MBD5: variants seen among roughly 807,000 people sequenced by gnomAD.
MBD5 encodes the protein methyl-CpG-binding domain protein 5.
A neutral mutation model predicts 117.3 loss-of-function variants in MBD5; 13 were observed. That is an observed-to-expected ratio of 0.11 (90% CI 0.07 to 0.18). The LOEUF is 0.18. Ranked by LOEUF, MBD5 falls within the 10% of genes least tolerant of loss-of-function variation. The pLI is 1.00. For missense variants in MBD5, 1,879 were observed against 2,093.8 expected (o/e 0.90, Z 2.00); for synonymous variants, 727 against 766.4 (o/e 0.95, Z 0.85).
At chr2:148,161,226 AGTC>A (rs1386223498) in intron 1 of MBD5, among the ~76,000 whole-genome samples, 1 of 152,212 alleles carries the variant, frequency 6.6e-6, no homozygotes, top group Non-Finnish European at 1.5e-5. Context: ...TTAACCATCC[AGTC>A]TGTTTTAGCC....
At position 148,061,430 on chromosome 2, in the gene MBD5, CT is replaced by C. The variant is rs1253107223; in HGVS notation, c.-925+39747del. Among the ~76,000 whole-genome samples, 4 of 151,966 alleles carry C rather than the reference CT, an allele frequency of 2.6e-5. No individual in the cohort carries two copies. The East Asian group carries it at 7.7e-4, about 29-fold the overall frequency. Reference sequence around the variant, plus strand: ...CTCTACCCTTCCCCCAACTCTTTCCCTCTACATAATTGACATCATATTGTGC... The same window carrying C: ...CTCTACCCTTCCCCCAACTCTTTCCCCTACATAATTGACATCATATTGTGC... On this transcript the variant is annotated intron_variant, in intron 1 of 13. Transcript: ENST00000642680.
chr2:148,416,502 G>A (rs767487473), intron 4 of MBD5, among the ~76,000 whole-genome samples: 1 of 152,214 alleles, frequency 6.6e-6, no homozygotes, highest in Non-Finnish European at 1.5e-5. Context: ...AGGCACTGGT[G>A]GGGGTGGGGT....
At chr2:148,134,555 C>T (rs557957210) in intron 1 of MBD5, among the ~76,000 whole-genome samples, 51 of 152,244 alleles carry the variant, frequency 3.3e-4, no homozygotes, top group Admixed American at 4.6e-4. Context: ...TACAAGTATG[C>T]TTTATTCTCT....
intron 4 of MBD5, among the ~76,000 whole-genome samples, chr2:148,424,204 A>AAAC (rs1559065361): frequency 1.5e-5 from 2 of 131,602 alleles, no homozygotes; most frequent in African/African-American, 5.9e-5. Context: ...AAAAAAAAAA[A>AAAC]AAAAAAAAAA....
rs553917791 is a variant in MBD5 at position 148,049,269 on chromosome 2, C to T, written c.-925+27585C>T. The stretch of plus-strand genomic sequence containing the variant: ...TAGAAATCTTGTGGCAAGTGGATTT[C>T]GTGCACCATCCATTCTTCACTTTGC... On this transcript the variant is annotated intron_variant, in intron 1 of 13. Coordinates refer to ENST00000642680, the MANE Select transcript of MBD5 (RefSeq NM_001378120.1). 8.5e-5 allele frequency among the ~76,000 whole-genome samples: 13 copies of T among 152,244 alleles called. 1 individual carries two copies. The highest frequency in any genetic ancestry group is 2.0e-4 in the Admixed American group (3 of 15,300).
chr2:148,502,351 C>G (rs1681898569), intron 11 of MBD5, 85 bp from the exon 12 acceptor site: 3 of 1,272,174 alleles, frequency 2.4e-6, no homozygotes, highest in Non-Finnish European at 3.4e-6. Flanking sequence ...CAGTGCAGCA[C>G]CTGCTTGTAC....
intron 1 of MBD5, among the ~76,000 whole-genome samples, chr2:148,170,684 A>C (rs1276815119): frequency 6.6e-6 from 1 of 152,226 alleles, no homozygotes; most frequent in Non-Finnish European, 1.5e-5. Context: ...AATCACTGTT[A>C]AAAGTTTATG....
intron 4 of MBD5, among the ~76,000 whole-genome samples, chr2:148,429,373 A>G (rs1021137811): frequency 6.6e-6 from 1 of 152,210 alleles, no homozygotes. Flanking sequence ...ATGTGGAGAA[A>G]TAGGAACACT....
chr2:148,184,111 A>G (rs1297917615), intron 2 of MBD5, among the ~76,000 whole-genome samples: 1 of 150,184 alleles, frequency 6.7e-6, no homozygotes, highest in Admixed American at 6.7e-5. Context: ...TCCTGGGCCC[A>G]AGCGATTCTC....
At chr2:148,423,092 TACTCCTCGAG>T (rs1705657084) in intron 4 of MBD5, among the ~76,000 whole-genome samples, 1 of 152,056 alleles carries the variant, frequency 6.6e-6, no homozygotes, top group South Asian at 2.1e-4. Flanking sequence ...ACCACAAAGA[TACTCCTCGAG>T]AAGAGCAACC....
intron 1 of MBD5, among the ~76,000 whole-genome samples, chr2:148,113,507 C>G (rs920552374): frequency 2.6e-5 from 4 of 152,136 alleles, no homozygotes; most frequent in African/African-American, 9.7e-5. Flanking sequence ...CTTAAAATAA[C>G]ATGTGTAGAG....
At chr2:148,304,825 G>C in intron 3 of MBD5, among the ~76,000 whole-genome samples, 1 of 152,180 alleles carries the variant, frequency 6.6e-6, no homozygotes, top group East Asian at 1.9e-4. Context: ...CACTTTGGGA[G>C]GCCGAGGCGG....
At chr2:148,095,442 C>T (rs1696044006) in intron 1 of MBD5, among the ~76,000 whole-genome samples, 1 of 152,036 alleles carries the variant, frequency 6.6e-6, no homozygotes, top group South Asian at 2.1e-4. Flanking sequence ...ATTATTTAAT[C>T]CCTGTAATAC....
intron 11 of MBD5, among the ~76,000 whole-genome samples, chr2:148,491,731 C>T (rs1376912218): frequency 6.6e-6 from 1 of 151,884 alleles, no homozygotes; most frequent in Non-Finnish European, 1.5e-5. Context: ...TTCCATACCC[C>T]TATTCACAAA....
intron 4 of MBD5, among the ~76,000 whole-genome samples, chr2:148,427,653 G>C (rs1355685081): frequency 2.0e-5 from 3 of 152,018 alleles, no homozygotes; most frequent in South Asian, 2.1e-4. Context: ...ATGGGGGCAG[G>C]GGGGAGGGAT....
chr2:148,227,589 C>T (rs1057297434), intron 2 of MBD5, among the ~76,000 whole-genome samples: 8 of 152,118 alleles, frequency 5.3e-5, no homozygotes, highest in Non-Finnish European at 7.4e-5. Context: ...ATTGACTTGG[C>T]AATGTGGGCT....
chr2:148,368,115 G>T (rs1703754701), intron 4 of MBD5, among the ~76,000 whole-genome samples: 1 of 152,144 alleles, frequency 6.6e-6, no homozygotes, highest in East Asian at 1.9e-4. Context: ...AGAAAATGTG[G>T]CACATATACA....
chr2:148,135,176 CT>C (rs1249362529), intron 1 of MBD5, among the ~76,000 whole-genome samples: 1 of 152,146 alleles, frequency 6.6e-6, no homozygotes, highest in Admixed American at 6.5e-5. Flanking sequence ...TTCTCTTAAT[CT>C]TTAGAATATA....
chr2:148,444,615 G>C (rs555619805), intron 4 of MBD5, among the ~76,000 whole-genome samples: 2 of 151,124 alleles, frequency 1.3e-5, no homozygotes, highest in Non-Finnish European at 2.9e-5. Flanking sequence ...CATTTGCAAA[G>C]ATTAGGCGAA....
Sources: gnomAD v4.1 joint callset for allele counts (sites outside exome capture counted in the v4.1 genomes callset) on GRCh38, gnomAD v4.1.1 for gene constraint, MANE v1.5 for transcripts, NCBI Gene and HGNC (gene_info 2026-07-23, HGNC 2026-07-21) for gene names.